Variants in POLE observed in about 807,000 individuals in gnomAD.
POLE encodes the protein DNA polymerase epsilon catalytic subunit A.
POLE carries 188 observed loss-of-function variants against 279.2 expected under a neutral mutation model. That is an observed-to-expected ratio of 0.67 (90% confidence interval 0.60 to 0.76). The LOEUF is 0.76. POLE is among the 30% of genes least tolerant of loss of function. POLE has a pLI of 0.00. For synonymous variants in POLE, 1,214 were observed against 1,172.5 expected (o/e 1.04, Z -0.72); for missense variants, 2,703 against 3,016.7 (o/e 0.90, Z 2.44).
chr12:132,687,039 G>A (rs1404695308), intron 1 of POLE, among the ~76,000 whole-genome samples: 1 of 151,604 alleles, frequency 6.6e-6, no homozygotes, highest in African/African-American at 2.4e-5. Context: ...GGCCCGCCTC[G>A]TTTCCCCGCA....
In POLE at chr12:132,649,747, G is replaced by A. The variant is rs373213156; in HGVS notation, c.3725C>T (p.Ser1242Phe). ...GGGCACAGTCGGCGTGAGGTCCTGG[G>A]ACTCCTCCTGGCTCTCCCAAAGAAC... ...KRVLWESQEE[S>F]QDLTPTVPWQ... Residue 1242 changes from serine to phenylalanine, a missense_variant, in exon 30 of 49, where the codon TCC becomes TTC. Coordinates refer to ENST00000320574, the MANE Select transcript of POLE (RefSeq NM_006231.4). 19 of 1,614,070 alleles carry A rather than the reference G, an allele frequency of 1.2e-5. No individual in the cohort carries two copies. The African/African-American group carries it at 1.2e-4, about 10-fold the overall frequency.
chr12:132,679,713 G>A (rs994297835), intron 5 of POLE, 62 bp from the exon 6 acceptor site: 3 of 1,545,996 alleles, frequency 1.9e-6, no homozygotes, highest in South Asian at 2.3e-5. Flanking sequence ...GGGTGAGAGG[G>A]TAAACACTCA....
Position 132,634,022 on chromosome 12 carries a change from C to A in POLE, c.6004+164G>T. 2 of 651,786 alleles carry A rather than the reference C, an allele frequency of 3.1e-6. No homozygotes were observed. 40.4% of individuals were successfully genotyped at this position (651,786 alleles called of 1,614,324 possible). On this transcript the variant is annotated intron_variant, in intron 43 of 48. Transcript: ENST00000320574. The surrounding 1 kb of genome is among the most constrained non-coding windows in gnomAD (Gnocchi z 4.0). ...CCCTCCAGTGGAACATGCCTGGAGC[C>A]TGGAGAGGAGGCCCCTCGGCTCACA...
At position 132,643,549 on chromosome 12, in the gene POLE, C is replaced by T. The variant is rs2138553486; in HGVS notation, c.4302G>A (p.Leu1434=). 2 of 1,614,132 alleles carry T rather than the reference C, an allele frequency of 1.2e-6. No homozygotes were observed. Among genetic ancestry groups the T allele is most frequent in the Non-Finnish European group, 1.7e-6 (2 of 1,180,048 alleles). The change falls in exon 34 of 49, where the codon CTG becomes CTA. Residue 1434 remains leucine (L), a synonymous_variant. Transcript: ENST00000320574. ...EGVYETQVPL[L]FRALVHLGCV... Reference sequence around the variant, plus strand: ...AGCCCAGGTGCACCAGGGCCCGGAACAGTAACGGAACCTGGAAGAATCGGG... The same window carrying T: ...AGCCCAGGTGCACCAGGGCCCGGAATAGTAACGGAACCTGGAAGAATCGGG...
intron 25 of POLE, chr12:132,660,569 A>AT (rs1195803265): frequency 6.4e-6 from 1 of 157,448 alleles, no homozygotes; most frequent in Non-Finnish European, 1.4e-5. Context: ...GTAAACTGTC[A>AT]AAATGTTATG....
chr12:132,655,043 T>A (rs1422347916), intron 29 of POLE, among the ~76,000 whole-genome samples: 1 of 152,222 alleles, frequency 6.6e-6, no homozygotes, highest in Non-Finnish European at 1.5e-5. Context: ...TAGCTAGGAC[T>A]ATAGGTGTGC....
Position 132,673,571 on chromosome 12 carries a change from G to A in POLE, c.1359+4C>T, listed in dbSNP as rs752118019. On this transcript the variant is annotated splice_donor_region_variant and intron_variant, in intron 13 of 48. Coordinates refer to ENST00000320574, the MANE Select transcript of POLE (RefSeq NM_006231.4). ...CAGGGGCAGCCGGGATGTGGCTTAC[G>A]TGCCTGGGGCTGCTCCGTGGCCATC... 12 of 1,610,774 alleles carry A rather than the reference G, an allele frequency of 7.4e-6. No homozygotes were observed. Among genetic ancestry groups the A allele is most frequent in the African/African-American group, 2.7e-5 (2 of 74,864 alleles).
chr12:132,686,014 T>G (rs2043253253), intron 1 of POLE, among the ~76,000 whole-genome samples: 1 of 151,942 alleles, frequency 6.6e-6, no homozygotes, highest in Non-Finnish European at 1.5e-5. Flanking sequence ...TAGCTGGGAT[T>G]ACAGGCATGC....
At position 132,673,183 on chromosome 12, in the gene POLE, A is replaced by G. The variant is rs758486433; in HGVS notation, c.1454T>C (p.Ile485Thr). The G allele has an allele frequency of 6.2e-7, 1 of 1,607,310 alleles. No individual in the cohort carries two copies. The highest frequency in any genetic ancestry group is 8.5e-7 in the Non-Finnish European group (1 of 1,173,696). ...GCTCACCTCGTCGGGCTCCATGGGA[A>G]TAATGGTGCACAGAGCAAAGATGAA... The part of the protein sequence containing the change: ...HPFIFALCTI[I>T]PMEPDEVLRK... Residue 485 changes from isoleucine (I) to threonine (T), a missense_variant, in exon 14 of 49, where the codon ATT becomes ACT. Ile to Thr is a moderately conservative substitution (Grantham distance 89, BLOSUM62 -1). Around this residue, in one of 5 missense-constraint regions of POLE, gnomAD observed 1,011 missense variants for 1,111.7 expected, o/e 0.91. Coordinates refer to ENST00000320574, the MANE Select transcript of POLE (RefSeq NM_006231.4).
At chr12:132,663,543 C>A (rs979344817) in intron 23 of POLE, among the ~76,000 whole-genome samples, 10 of 152,230 alleles carry the variant, frequency 6.6e-5, no homozygotes, top group African/African-American at 2.4e-4. Flanking sequence ...CGGGACAGGA[C>A]AACTCGGCGC....
chr12:132,632,127 G>T (rs2041944726), intron 45 of POLE, among the ~76,000 whole-genome samples, 188 bp downstream of exon 45: 1 of 152,116 alleles, frequency 6.6e-6, no homozygotes, highest in African/African-American at 2.4e-5. Flanking sequence ...CCCTTGCACA[G>T]CTGAAAGCCT....
At chr12:132,682,309 T>TAA (rs202218715) in intron 1 of POLE, among the ~76,000 whole-genome samples, 13 of 119,392 alleles carry the variant, frequency 1.1e-4, no homozygotes, top group East Asian at 4.6e-4. Context: ...AAAAAATAAA[T>TAA]AAAAATAAAT....
At position 132,648,970 on chromosome 12, in the gene POLE, G is replaced by A; in HGVS notation, c.4108C>T (p.Gln1370Ter). 6.2e-7 allele frequency: 1 copy of A among 1,614,066 alleles called. No homozygotes were observed. The highest frequency in any genetic ancestry group is 1.3e-5 in the African/African-American group (1 of 75,068). ...CCCTCCTCCGCTTTAGCGACTCGCT[G>A]GTTCACGTAGAACACACGGGGGATG... Reference protein sequence around the residue: ...LSIPRVFYVNQRVAKAEEGAS... With the variant: ...LSIPRVFYVN Residue 1370 changes from glutamine (Q) to a stop codon, truncating the protein, a stop_gained, in exon 32 of 49, where the codon CAG (glutamine) becomes TAG (stop). Transcript: ENST00000320574. LOFTEE classifies it high-confidence loss of function.
chr12:132,634,126 A>G lies in POLE; in HGVS notation c.6004+60T>C, dbSNP rs5745006. 2.3e-3 allele frequency: 3,228 copies of G among 1,418,452 alleles called. 51 individuals are homozygous for G. The African/African-American group carries it at 0.041, about 18-fold the overall frequency. The allele number at this position is 1,418,452 out of a possible 1,614,324, so 87.9% of individuals were successfully genotyped here. On this transcript the variant is annotated intron_variant, in intron 43 of 48. Coordinates refer to ENST00000320574, the MANE Select transcript of POLE (RefSeq NM_006231.4). The surrounding 1 kb of genome is among the most constrained non-coding windows in gnomAD (Gnocchi z 4.0). Reference sequence around the variant, plus strand: ...CTTGCGATACCATGGCACAGGAGCCACATCTACTAACCATGAGTCCCTTCA... The same window carrying G: ...CTTGCGATACCATGGCACAGGAGCCGCATCTACTAACCATGAGTCCCTTCA...
At position 132,624,143 on chromosome 12, in the gene POLE, G is replaced by A. The variant is rs1053075591; in HGVS notation, c.*554C>T. On this transcript the variant is annotated 3_prime_UTR_variant, in exon 49 of 49. Transcript: ENST00000320574. ...CACAAGCCAAAATCCAGATTCTCAC[G>A]GGTTAGGGTCTGGATTCCTGGGGAA... is the stretch of plus-strand genomic sequence containing the variant. 19 of 214,116 alleles carry A rather than the reference G, an allele frequency of 8.9e-5. No homozygotes were observed. Among genetic ancestry groups the A allele is most frequent in the East Asian group, 5.7e-4 (8 of 14,118 alleles). The allele number at this position is 214,116 out of a possible 1,614,324, so 13.3% of individuals were successfully genotyped here. A position where few individuals can be genotyped will look rare whatever the true frequency, so the allele number is the denominator to read the frequency against.
intron 43 of POLE, 97 bp from the exon 44 acceptor site, chr12:132,632,892 T>A: frequency 7.5e-7 from 1 of 1,341,466 alleles, no homozygotes; most frequent in Non-Finnish European, 1.0e-6. Context: ...GCCTCACAGA[T>A]GAGGCTAAAA....
At chr12:132,643,018 C>T (rs1309879804) in intron 35 of POLE, 22 bp from the exon 36 acceptor site, 2 of 1,572,146 alleles carry the variant, frequency 1.3e-6, no homozygotes, top group South Asian at 1.2e-5. Flanking sequence ...CAGGCCACGT[C>T]AGCCTCCCCC....
At chr12:132,657,578 G>T in intron 27 of POLE, 149 bp from the exon 28 acceptor site, 1 of 729,500 alleles carries the variant, frequency 1.4e-6, no homozygotes, top group East Asian at 2.7e-5. Context: ...CACAACAGAG[G>T]ACACCAAGGC....
Position 132,675,599 on chromosome 12 carries a change from G to A in POLE, c.1107-82C>T, listed in dbSNP as rs2043029274. ...TCTCCATTCCTCCCTCAGACCCAGGGAGGAACCCAGACACGGGAGGTGCAG... is the reference window on the plus strand; with the variant it reads ...TCTCCATTCCTCCCTCAGACCCAGGAAGGAACCCAGACACGGGAGGTGCAG... On this transcript the variant is annotated intron_variant, in intron 11 of 48. Transcript: ENST00000320574. This position sits in a 1 kb window ranked among gnomAD's most constrained non-coding sequence, Gnocchi z 4.3. The A allele has an allele frequency of 6.3e-7, 1 of 1,598,468 alleles. No homozygotes were observed. Among genetic ancestry groups the A allele is most frequent in the South Asian group, 1.1e-5 (1 of 89,132 alleles).
Sources: gnomAD v4.1 joint callset for allele counts (sites outside exome capture counted in the v4.1 genomes callset) on GRCh38, gnomAD v4.1.1 for gene constraint, gnomAD v4.1.1 regional missense constraint, Gnocchi (gnomAD v3.1) non-coding constraint, MANE v1.5 for transcripts, NCBI Gene and HGNC (gene_info 2026-07-23, HGNC 2026-07-21) for gene names.